The following KLF8 variants were observed in gnomAD, a reference collection of about 807,000 sequenced individuals.
KLF8 encodes Krueppel-like factor 8.
In KLF8, 10 loss-of-function variants were observed where a neutral mutation model predicts 18.2. The observed-to-expected ratio is 0.55, with a 90% CI of 0.34 to 0.93. The LOEUF (loss-of-function observed/expected upper bound fraction) is 0.93, where lower values mean the gene tolerates loss of function less well. Among genes scored for constraint, KLF8 ranks in the 40% least tolerant of loss-of-function variants. The pLI is 0.02. For missense variants in KLF8, 264 were observed against 277.9 expected (o/e 0.95, Z 0.36); for synonymous variants, 109 against 97.3 (o/e 1.12, Z -0.71).
chrX:55,948,029 T>C, the KLF8 span, among the ~76,000 whole-genome samples: 3 of 112,140 alleles, frequency 2.7e-5, no homozygotes, highest in Non-Finnish European at 3.8e-5. Flanking sequence ...GTTGAAAATA[T>C]TTGCATACAT....
At chrX:56,014,072 C>T in the KLF8 span, among the ~76,000 whole-genome samples, 4 of 111,166 alleles carry the variant, frequency 3.6e-5, no homozygotes, top group African/African-American at 9.8e-5. Context: ...GACATAGGCA[C>T]GGGCAAAGAT....
chrX:56,141,357 G>T, the KLF8 span, among the ~76,000 whole-genome samples: 2 of 111,459 alleles, frequency 1.8e-5, no homozygotes, highest in Middle Eastern at 4.6e-3. Context: ...CATTTTTTTT[G>T]TGTGGGTAGA....
the KLF8 span, among the ~76,000 whole-genome samples, chrX:56,054,076 T>C: frequency 9.0e-6 from 1 of 111,211 alleles, no homozygotes; most frequent in Non-Finnish European, 1.9e-5. Flanking sequence ...CTAGTTCTTC[T>C]AGTTGTGATG....
the KLF8 span, among the ~76,000 whole-genome samples, chrX:56,152,876 G>C: frequency 8.9e-6 from 1 of 112,012 alleles, no homozygotes; most frequent in Non-Finnish European, 1.9e-5. Context: ...TCATCACACA[G>C]GAACAAGCCC....
At chrX:56,024,035 A>G in the KLF8 span, among the ~76,000 whole-genome samples, 1 of 111,588 alleles carries the variant, frequency 9.0e-6, no homozygotes, top group Non-Finnish European at 1.9e-5. Flanking sequence ...TTAATATTTG[A>G]TAGATATATA....
chrX:55,998,057 G>C, the KLF8 span, among the ~76,000 whole-genome samples: 1 of 111,955 alleles, frequency 8.9e-6, no homozygotes, highest in Non-Finnish European at 1.9e-5. Flanking sequence ...TCATAGACAA[G>C]GTAAAGGATT....
At chrX:56,147,093 A>G in the KLF8 span, among the ~76,000 whole-genome samples, 1 of 111,896 alleles carries the variant, frequency 8.9e-6, no homozygotes, top group South Asian at 3.7e-4. Context: ...GAAATTGTAT[A>G]ATAGCATCAT....
At chrX:56,031,257 C>T in the KLF8 span, among the ~76,000 whole-genome samples, 1 of 111,939 alleles carries the variant, frequency 8.9e-6, no homozygotes, top group Non-Finnish European at 1.9e-5. Context: ...AGAGGGCACA[C>T]ACACACCTTT....
At chrX:55,997,874 A>T in the KLF8 span, among the ~76,000 whole-genome samples, 1 of 110,583 alleles carries the variant, frequency 9.0e-6, no homozygotes. Context: ...AGAAAGAAAT[A>T]AGGGGACCTG....
the KLF8 span, among the ~76,000 whole-genome samples, chrX:56,173,271 T>G: frequency 8.9e-6 from 1 of 112,112 alleles, no homozygotes; most frequent in African/African-American, 3.2e-5. Context: ...TGAATTAATT[T>G]TTGTATAAGT....
the KLF8 span, among the ~76,000 whole-genome samples, chrX:56,166,136 A>ATTTT: frequency 3.0e-5 from 3 of 100,048 alleles, no homozygotes; most frequent in Non-Finnish European, 4.0e-5. Flanking sequence ...TAAGTGCTTT[A>ATTTT]TTTTTTTTTT....
At chrX:56,120,685 G>A in the KLF8 span, among the ~76,000 whole-genome samples, 1 of 111,321 alleles carries the variant, frequency 9.0e-6, no homozygotes, top group Non-Finnish European at 1.9e-5. Flanking sequence ...ACCACCTAGG[G>A]CCTTTCCCTC....
the KLF8 span, among the ~76,000 whole-genome samples, chrX:56,009,853 G>A: frequency 8.9e-6 from 1 of 112,138 alleles, no homozygotes; most frequent in Non-Finnish European, 1.9e-5. Context: ...CCAGAGGAAA[G>A]AATTTCAGAT....
At chrX:56,162,301 A>T in the KLF8 span, among the ~76,000 whole-genome samples, 1 of 112,047 alleles carries the variant, frequency 8.9e-6, no homozygotes. Flanking sequence ...CAAAGCTGTC[A>T]GACAGGGACA....
rs987637772 is a variant in KLF8 at position 56,287,134 on chromosome X, A to T, written c.*2640A>T. 8.9e-6 allele frequency: 1 copy of T among 111,855 alleles called. No homozygotes were observed. The highest frequency in any genetic ancestry group is 2.8e-4 in the East Asian group (1 of 3,574). The allele number at this position is 111,855 out of a possible 1,213,427, so 9.2% of individuals were successfully genotyped here. On this transcript the variant is annotated 3_prime_UTR_variant, in exon 6 of 6. Coordinates refer to ENST00000468660, the MANE Select transcript of KLF8 (RefSeq NM_007250.5). ...TTAGGTTGATCAAATTAGGATCCCA[A>T]ATATTGGGGTCCCTGACATCTGAGC...
At chrX:56,251,235 C>T (rs1417062536) in intron 2 of KLF8, among the ~76,000 whole-genome samples, 4 of 111,668 alleles carry the variant, frequency 3.6e-5, no homozygotes, top group South Asian at 3.7e-4. Context: ...GTTGAAGTCC[C>T]GTCTTTCTTG....
At chrX:56,013,812 C>G in the KLF8 span, among the ~76,000 whole-genome samples, 1 of 111,414 alleles carries the variant, frequency 9.0e-6, no homozygotes, top group Non-Finnish European at 1.9e-5. Context: ...TGAACTGAGT[C>G]AATTCAACCC....
At chrX:56,078,723 G>A in the KLF8 span, among the ~76,000 whole-genome samples, 1 of 111,756 alleles carries the variant, frequency 8.9e-6, no homozygotes, top group East Asian at 2.8e-4. Context: ...AATGGTACCA[G>A]TTCCTCCTTG....
the KLF8 span, among the ~76,000 whole-genome samples, chrX:56,173,001 C>G: frequency 9.0e-6 from 1 of 111,634 alleles, no homozygotes; most frequent in South Asian, 3.7e-4. Context: ...GGATATTAAC[C>G]CTTTGTCAGA....
Sources: allele counts gnomAD v4.1 joint callset (sites outside exome capture counted in the v4.1 genomes callset), GRCh38; gene constraint gnomAD v4.1.1; transcripts MANE v1.5; gene names NCBI Gene and HGNC (gene_info 2026-07-23, HGNC 2026-07-21).